The following HDAC2 variants were observed in gnomAD, a reference collection of about 807,000 sequenced individuals.
HDAC2 encodes the protein histone deacetylase 2.
Under a neutral mutation model 68.5 loss-of-function variants are expected in HDAC2, and 5 were observed. That is an observed-to-expected ratio of 0.07 (90% CI 0.04 to 0.15). The LOEUF (loss-of-function observed/expected upper bound fraction) is 0.15, where lower values mean the gene tolerates loss of function less well. Among genes scored for constraint, HDAC2 ranks in the 10% least tolerant of loss-of-function variants. The probability of loss-of-function intolerance (pLI) is 1.00; values close to 1 mark genes in which losing one functional copy is unlikely to be tolerated. For synonymous variants in HDAC2, 182 were observed against 191.3 expected (o/e 0.95, Z 0.40); for missense variants, 291 against 600.8 (o/e 0.48, Z 5.39).
intron 2 of HDAC2, 152 bp from the exon 3 acceptor site, chr6:113,958,918 ATG>A: frequency 1.5e-6 from 1 of 678,160 alleles, no homozygotes. Context: ...CCAAACTTAT[ATG>A]TGTTTTAGAA....
rs183465135 is a variant in HDAC2 at position 113,938,866 on chromosome 6, T to G, written c.*2192A>C. ...ACCAAATCACCTTGCTGAAATTGCT[T>G]TAGATAGTTCTCTTGAGGTTTTAGT... is the stretch of plus-strand genomic sequence containing the variant. On this transcript the variant is annotated 3_prime_UTR_variant, in exon 14 of 14. Transcript: ENST00000519065. 3.8e-4 allele frequency: 58 copies of G among 152,330 alleles called. No homozygotes were observed. The highest frequency in any genetic ancestry group is 6.8e-3 in the Middle Eastern group (2 of 294). The allele number at this position is 152,330 out of a possible 1,614,324, so 9.4% of individuals were successfully genotyped here. A position where few individuals can be genotyped will look rare whatever the true frequency, so the allele number is the denominator to read the frequency against.
chr6:113,959,713 G>A, intron 2 of HDAC2, 193 bp downstream of exon 2: 1 of 394,644 alleles, frequency 2.5e-6, no homozygotes, highest in Non-Finnish European at 4.5e-6. Flanking sequence ...AATGGTTAAA[G>A]GAAAAGGAAA....
chr6:113,967,274 G>A (rs1428863875), intron 1 of HDAC2, among the ~76,000 whole-genome samples: 5 of 152,056 alleles, frequency 3.3e-5, no homozygotes, highest in Non-Finnish European at 7.4e-5. Flanking sequence ...GACTACTGGT[G>A]CCTGCCACCA....
Position 113,953,348 on chromosome 6 carries a change from T to C in HDAC2, c.568A>G (p.Thr190Ala). The C allele has an allele frequency of 6.3e-7, 1 of 1,587,404 alleles. No homozygotes were observed. The highest frequency in any genetic ancestry group is 8.7e-7 in the Non-Finnish European group (1 of 1,155,930). Residue 190 changes from threonine (T) to alanine (A), a missense_variant, in exon 6 of 14, where the codon ACA (threonine) becomes GCA (alanine). Physicochemically the swap from Thr to Ala is moderately conservative, Grantham distance 58 (BLOSUM62 0). Around this residue, in one of 2 missense-constraint regions of HDAC2, gnomAD observed 154 missense variants for 472.1 expected, o/e 0.33. Transcript: ENST00000519065. ...HGDGVEEAFY[T>A]TDRVMTVSFH... ...GATACCGTCATTACACGATCTGTTG[T>C]ATAAAAAGCTTCTTCAACACCATCA...
chr6:113,946,828 T>C (rs1329974199), intron 8 of HDAC2: 1 of 152,064 alleles, frequency 6.6e-6, no homozygotes. Context: ...AACTCAATCT[T>C]TAAAGAAGAA....
chr6:113,965,883 G>C (rs1251244175), intron 1 of HDAC2, among the ~76,000 whole-genome samples: 7 of 152,172 alleles, frequency 4.6e-5, no homozygotes, highest in Admixed American at 4.6e-4. Flanking sequence ...GACTTGATTT[G>C]AATTCTTCCA....
rs1235426546 is a variant in HDAC2 at position 113,935,283 on chromosome 6, T to TA, written c.*5774dup. 6.6e-6 allele frequency: 1 copy of TA among 152,254 alleles called. No homozygotes were observed. Among genetic ancestry groups the TA allele is most frequent in the African/African-American group, 2.4e-5 (1 of 41,468 alleles). 9.4% of individuals were successfully genotyped at this position (152,254 alleles called of 1,614,324 possible). On this transcript the variant is annotated 3_prime_UTR_variant, in exon 14 of 14. Transcript: ENST00000519065. ...GCAAAAGGGGAAATTCTTGTCTTTTTAAATCAAACATTATTTGTTGCCAGA... is the reference window on the plus strand; with the variant it reads ...GCAAAAGGGGAAATTCTTGTCTTTTTAAAATCAAACATTATTTGTTGCCAGA...
intron 13 of HDAC2, 58 bp from the exon 14 acceptor site, chr6:113,941,146 T>A: frequency 7.8e-7 from 1 of 1,281,886 alleles, no homozygotes; most frequent in Non-Finnish European, 1.1e-6. Flanking sequence ...TTAAATGCAC[T>A]GACCTATTAT....
chr6:113,967,989 G>A (rs1397229246), intron 1 of HDAC2, among the ~76,000 whole-genome samples: 5 of 152,084 alleles, frequency 3.3e-5, no homozygotes, highest in Non-Finnish European at 7.4e-5. Flanking sequence ...GGTTCCCTTG[G>A]GACCAACGTT....
intron 1 of HDAC2, among the ~76,000 whole-genome samples, chr6:113,966,728 C>CA (rs1366639431): frequency 1.3e-5 from 2 of 151,718 alleles, no homozygotes; most frequent in Admixed American, 1.3e-4. Flanking sequence ...ATGGTACAAC[C>CA]AAAAGGAAGA....
chr6:113,933,521 T>C lies in HDAC2; in HGVS notation c.*7537A>G, dbSNP rs910854445. 6.6e-6 allele frequency: 1 copy of C among 152,124 alleles called. No homozygotes were observed. Among genetic ancestry groups the C allele is most frequent in the Non-Finnish European group, 1.5e-5 (1 of 68,006 alleles). 9.4% of individuals were successfully genotyped at this position (152,124 alleles called of 1,614,324 possible). On this transcript the variant is annotated 3_prime_UTR_variant, in exon 14 of 14. Coordinates refer to ENST00000519065, the MANE Select transcript of HDAC2 (RefSeq NM_001527.4). ...CCTCTTCTATCCCCTTCCATTCCCC[T>C]TCCCACTTCTATTTCCATTCCAGTC... is the stretch of plus-strand genomic sequence containing the variant.
chr6:113,954,371 A>G lies in HDAC2; in HGVS notation c.498-953T>C, dbSNP rs545218791. On this transcript the variant is annotated intron_variant, in intron 5 of 13. Transcript: ENST00000519065. ...CACTATAAACAGCATACCATAGTAC[A>G]GCAAAATTTCTTCACAAAATTAAAA... Among the ~76,000 whole-genome samples the G allele has an allele frequency of 5.3e-5, 8 of 152,352 alleles. No individual in the cohort carries two copies. In the South Asian group the frequency reaches 1.7e-3, roughly 32 times the overall value.
chr6:113,953,225 T>C lies in HDAC2; in HGVS notation c.639+52A>G, dbSNP rs1240803103. ...AATACTACTTCAAGTATAGGATTAC[T>C]GATCTCCTAGGTTCATCTCACAATA... On this transcript the variant is annotated intron_variant, in intron 6 of 13. Coordinates refer to ENST00000519065, the MANE Select transcript of HDAC2 (RefSeq NM_001527.4). 6 of 1,338,034 alleles carry C rather than the reference T, an allele frequency of 4.5e-6. No homozygotes were observed. Among genetic ancestry groups the C allele is most frequent in the African/African-American group, 2.9e-5 (2 of 68,512 alleles). 82.9% of individuals were successfully genotyped at this position (1,338,034 alleles called of 1,614,324 possible). A position where few individuals can be genotyped will look rare whatever the true frequency, so the allele number is the denominator to read the frequency against.
rs1776093665 is a variant in HDAC2, at chr6:113,939,958, A to G, written c.*1100T>C. ...ATCTTCTGGCATTCTGTAATTTTTA[A>G]TCTCAAAAGAATCAATGTGGGCCTG... On this transcript the variant is annotated 3_prime_UTR_variant, in exon 14 of 14. Coordinates refer to ENST00000519065, the MANE Select transcript of HDAC2 (RefSeq NM_001527.4). 6.6e-6 allele frequency: 1 copy of G among 152,200 alleles called. No individual in the cohort carries two copies. The highest frequency in any genetic ancestry group is 2.1e-4 in the South Asian group (1 of 4,832). The allele number at this position is 152,200 out of a possible 1,614,324, so 9.4% of individuals were successfully genotyped here.
intron 6 of HDAC2, among the ~76,000 whole-genome samples, chr6:113,952,500 G>T (rs1371470326): frequency 6.6e-6 from 1 of 152,154 alleles, no homozygotes; most frequent in Non-Finnish European, 1.5e-5. Context: ...ATATACCACA[G>T]ATGTGAAAAA....
chr6:113,940,955 G>T lies in HDAC2; in HGVS notation c.*103C>A. 1 of 862,320 alleles carries T rather than the reference G, an allele frequency of 1.2e-6. No homozygotes were observed. The highest frequency in any genetic ancestry group is 1.8e-6 in the Non-Finnish European group (1 of 545,176). 53.4% of individuals were successfully genotyped at this position (862,320 alleles called of 1,614,324 possible). A position where few individuals can be genotyped will look rare whatever the true frequency, so the allele number is the denominator to read the frequency against. The stretch of plus-strand genomic sequence containing the variant: ...CCATTTGAAAATAAATACAGTCCAT[G>T]CCAAAGTAGTATAAAATGAAGCCAG... On this transcript the variant is annotated 3_prime_UTR_variant, in exon 14 of 14. Transcript: ENST00000519065.
chr6:113,961,799 A>T (rs1287347111), intron 1 of HDAC2, among the ~76,000 whole-genome samples: 2 of 152,346 alleles, frequency 1.3e-5, no homozygotes, highest in African/African-American at 4.8e-5. Flanking sequence ...TAAAGTAAAA[A>T]TAATGAAAGT....
chr6:113,941,010 C>A lies in HDAC2; in HGVS notation c.*48G>T. ...CTTCAAAAAGAAAACATTTTCCTTT[C>A]AATATTTTCTTTTTAATGATTTTCT... On this transcript the variant is annotated 3_prime_UTR_variant, in exon 14 of 14. Coordinates refer to ENST00000519065, the MANE Select transcript of HDAC2 (RefSeq NM_001527.4). The A allele has an allele frequency of 1.4e-6, 2 of 1,455,376 alleles. No individual in the cohort carries two copies. Among genetic ancestry groups the A allele is most frequent in the Non-Finnish European group, 1.9e-6 (2 of 1,042,890 alleles). 90.2% of individuals were successfully genotyped at this position (1,455,376 alleles called of 1,614,324 possible). A position where few individuals can be genotyped will look rare whatever the true frequency, so the allele number is the denominator to read the frequency against.
At chr6:113,946,199 C>G in intron 8 of HDAC2, 51 bp from the exon 9 acceptor site, 1 of 1,459,900 alleles carries the variant, frequency 6.8e-7, no homozygotes, top group Non-Finnish European at 9.3e-7. Context: ...TGCAACAGTT[C>G]GAAAAATAAA....
Sources: gnomAD v4.1 joint callset for allele counts (sites outside exome capture counted in the v4.1 genomes callset) on GRCh38, gnomAD v4.1.1 for gene constraint, gnomAD v4.1.1 regional missense constraint, MANE v1.5 for transcripts, NCBI Gene and HGNC (gene_info 2026-07-23, HGNC 2026-07-21) for gene names.